PIK3CB: variants seen among roughly 807,000 people sequenced by gnomAD.
PIK3CB encodes the protein phosphatidylinositol 4,5-bisphosphate 3-kinase catalytic subunit beta isoform.
Under a neutral mutation model 136.8 loss-of-function variants are expected in PIK3CB, and 39 were observed. The observed-to-expected ratio is 0.29, with a 90% confidence interval of 0.22 to 0.37. The LOEUF is 0.37. PIK3CB is among the 10% of genes least tolerant of loss of function. PIK3CB has a pLI of 1.00. For synonymous variants in PIK3CB, 428 were observed against 436.6 expected (o/e 0.98, Z 0.25); for missense variants, 868 against 1,275.4 (o/e 0.68, Z 4.87).
intron 4 of PIK3CB, among the ~76,000 whole-genome samples, chr3:138,749,796 G>A (rs547086331): frequency 1.3e-5 from 2 of 152,262 alleles, no homozygotes; most frequent in African/African-American, 4.8e-5. Context: ...GATTTAAGGT[G>A]ACTTTCCTTT....
chr3:138,711,277 A>G (rs2044492201), intron 10 of PIK3CB, among the ~76,000 whole-genome samples: 1 of 151,668 alleles, frequency 6.6e-6, no homozygotes. Context: ...CATTAAAATA[A>G]GAAATATATT....
At position 138,691,559 on chromosome 3, in the gene PIK3CB, A is replaced by G. The variant is rs143827865; in HGVS notation, c.1893-416T>C. Among the ~76,000 whole-genome samples, 407 of 152,216 alleles carry G rather than the reference A, an allele frequency of 2.7e-3. 2 individuals carry two copies. The highest frequency in any genetic ancestry group is 9.4e-3 in the African/African-American group (389 of 41,540). ...AGTTCTCATGAGATCTGATGGCTTC[A>G]TAAGAGGTGGTTTCCCCTGCTCTTT... On this transcript the variant is annotated intron_variant, in intron 14 of 23. Coordinates refer to ENST00000674063, the MANE Select transcript of PIK3CB (RefSeq NM_006219.3).
In PIK3CB at chr3:138,712,254, T is replaced by C; in HGVS notation, c.1353A>G (p.Gln451=). 1.1e-5 allele frequency: 17 copies of C among 1,588,886 alleles called. No individual in the cohort carries two copies. Among genetic ancestry groups the C allele is most frequent in the Middle Eastern group, 1.7e-4 (1 of 5,984 alleles). The change falls in exon 10 of 24, where the codon CAA becomes CAG. Residue 451 remains glutamine (Q), a synonymous_variant. Coordinates refer to ENST00000674063, the MANE Select transcript of PIK3CB (RefSeq NM_006219.3). The part of the protein sequence containing the change: ...VNTMVFDFKG[Q]LRTGDIILHS... ...GTAATATTATGTCTCCAGTTCTCAA[T>C]TGTCCTTTAAAGTCAAAAACCATCG...
At chr3:138,751,241 G>A (rs984786083) in intron 4 of PIK3CB, among the ~76,000 whole-genome samples, 29 of 151,906 alleles carry the variant, frequency 1.9e-4, no homozygotes, top group Admixed American at 7.2e-4. Context: ...GGCGGATCAC[G>A]AGGTCAGGAG....
chr3:138,729,550 G>A (rs2044923972), intron 8 of PIK3CB, among the ~76,000 whole-genome samples: 1 of 152,128 alleles, frequency 6.6e-6, no homozygotes, highest in African/African-American at 2.4e-5. Flanking sequence ...AAGTAAGACA[G>A]AATTCTTCCT....
At chr3:138,747,063 T>TAC (rs2045371344) in intron 4 of PIK3CB, among the ~76,000 whole-genome samples, 1 of 17,630 alleles carries the variant, frequency 5.7e-5, no homozygotes, top group African/African-American at 3.2e-4. Flanking sequence ...TTTATATATA[T>TAC]ATATATATAT....
chr3:138,785,905 C>T (rs1228378766), intron 2 of PIK3CB, among the ~76,000 whole-genome samples: 2 of 148,482 alleles, frequency 1.3e-5, no homozygotes, highest in Non-Finnish European at 3.0e-5. Flanking sequence ...TTCATAGTAA[C>T]AAAAAACTAG....
chr3:138,660,342 G>A (rs1014138776), intron 21 of PIK3CB, among the ~76,000 whole-genome samples: 1 of 152,046 alleles, frequency 6.6e-6, no homozygotes, highest in Non-Finnish European at 1.5e-5. Flanking sequence ...AGACCTCTAT[G>A]TGCTGATTGT....
intron 8 of PIK3CB, among the ~76,000 whole-genome samples, chr3:138,717,519 G>T (rs2044637057): frequency 7.8e-6 from 1 of 128,094 alleles, no homozygotes; most frequent in Non-Finnish European, 1.7e-5. Flanking sequence ...AATGAAAATA[G>T]AAATTTTTTG....
chr3:138,830,920 A>G (rs1934001776), intron 1 of PIK3CB, among the ~76,000 whole-genome samples: 1 of 144,850 alleles, frequency 6.9e-6, no homozygotes, highest in African/African-American at 2.6e-5. Context: ...AATAATAATA[A>G]TAATAATAAT....
At chr3:138,763,908 C>T (rs1408903814) in intron 2 of PIK3CB, among the ~76,000 whole-genome samples, 1 of 151,580 alleles carries the variant, frequency 6.6e-6, no homozygotes, top group Non-Finnish European at 1.5e-5. Flanking sequence ...GTCAGAAGTT[C>T]AAGACCAGCC....
intron 18 of PIK3CB, among the ~76,000 whole-genome samples, chr3:138,682,674 A>G (rs552520609): frequency 7.2e-5 from 11 of 152,352 alleles, no homozygotes; most frequent in Admixed American, 6.5e-4. Context: ...AAGAGAGCAC[A>G]TGAAACTAGT....
chr3:138,825,681 G>C, intron 1 of PIK3CB: 1 of 651,642 alleles, frequency 1.5e-6, no homozygotes, highest in Admixed American at 2.5e-5. Flanking sequence ...ACAAACCCTT[G>C]CATCTGTCTC....
intron 2 of PIK3CB, among the ~76,000 whole-genome samples, chr3:138,785,181 G>A (rs1346769803): frequency 6.6e-6 from 1 of 150,788 alleles, no homozygotes; most frequent in Non-Finnish European, 1.5e-5. Flanking sequence ...GCCCCGTCCG[G>A]GAGGGAGGTG....
chr3:138,790,736 C>T (rs559772310), intron 2 of PIK3CB, among the ~76,000 whole-genome samples: 2 of 151,252 alleles, frequency 1.3e-5, no homozygotes, highest in East Asian at 3.9e-4. Context: ...ATGGCGTGAG[C>T]CCAGGAGGCA....
intron 1 of PIK3CB, chr3:138,826,453 T>G (rs995991717): frequency 1.4e-6 from 1 of 705,732 alleles, no homozygotes; most frequent in Non-Finnish European, 2.3e-6. Context: ...AACAATGCAC[T>G]GTAAACCCCT....
intron 1 of PIK3CB, among the ~76,000 whole-genome samples, chr3:138,801,298 T>C (rs2046172900): frequency 6.6e-6 from 1 of 152,204 alleles, no homozygotes; most frequent in South Asian, 2.1e-4. Flanking sequence ...TAGCAATTTG[T>C]ATCAAATATC....
intron 10 of PIK3CB, among the ~76,000 whole-genome samples, chr3:138,709,323 G>T (rs1245880200): frequency 1.9e-5 from 2 of 102,582 alleles, no homozygotes; most frequent in Non-Finnish European, 4.2e-5. Flanking sequence ...GTCCAGGCAT[G>T]GGGGGAAAAA....
chr3:138,658,707 G>T (rs1218066728), intron 21 of PIK3CB, among the ~76,000 whole-genome samples: 1 of 152,036 alleles, frequency 6.6e-6, no homozygotes, highest in African/African-American at 2.4e-5. Context: ...CATAATTTCT[G>T]GTTACATCAA....
Sources: allele counts gnomAD v4.1 joint callset (sites outside exome capture counted in the v4.1 genomes callset), GRCh38; gene constraint gnomAD v4.1.1; transcripts MANE v1.5; gene names NCBI Gene and HGNC (gene_info 2026-07-23, HGNC 2026-07-21).